The following RELN variants were observed in gnomAD, a reference collection of about 807,000 sequenced individuals.
The protein encoded by RELN is reelin.
Under a neutral mutation model 427.6 loss-of-function variants are expected in RELN, and 108 were observed. That is an observed-to-expected ratio of 0.25 (90% CI 0.22 to 0.30). The LOEUF is 0.30. Among genes scored for constraint, RELN ranks in the 10% least tolerant of loss-of-function variants. The pLI, the probability that RELN is intolerant of heterozygous loss-of-function variation, is 1.00. For missense variants in RELN, 3,715 were observed against 4,302.8 expected, an observed-to-expected ratio of 0.86 and a Z score of 3.82; for synonymous variants, 1,524 against 1,513.4, an observed-to-expected ratio of 1.01 and a Z score of -0.16.
At chr7:103,614,982 T>C (rs1832048400) in intron 20 of RELN, among the ~76,000 whole-genome samples, 1 of 152,180 alleles carries the variant, frequency 6.6e-6, no homozygotes, top group African/African-American at 2.4e-5. Flanking sequence ...ACTGCTCCTC[T>C]TTGCTGCTTG....
chr7:103,868,888 A>G (rs1794262392), intron 2 of RELN, among the ~76,000 whole-genome samples: 1 of 152,000 alleles, frequency 6.6e-6, no homozygotes, highest in Non-Finnish European at 1.5e-5. Flanking sequence ...TTTTATACAT[A>G]TTGTTTGCAG....
chr7:103,920,576 TTTG>T lies in RELN; in HGVS notation c.227-3394_227-3392del, dbSNP rs1179001252. ...GTTGTACCAGTCTTTGGTTTTTTTT[TTTG>T]TTTTTTTTTTTTTTGAGAGAGTCTC... On this transcript the variant is annotated intron_variant, in intron 1 of 64. Transcript: ENST00000428762. Among the ~76,000 whole-genome samples the T allele has an allele frequency of 8.0e-5, 9 of 112,802 alleles. No homozygotes were observed. In the South Asian group the frequency reaches 1.6e-3, roughly 20 times the overall value. 74.0% of individuals were successfully genotyped at this position (112,802 alleles called of 152,430 possible). A position where few individuals can be genotyped will look rare whatever the true frequency, so the allele number is the denominator to read the frequency against.
chr7:103,815,342 T>C (rs910584887), intron 3 of RELN, among the ~76,000 whole-genome samples: 1 of 152,184 alleles, frequency 6.6e-6, no homozygotes, highest in Non-Finnish European at 1.5e-5. Flanking sequence ...ATAAAATAAA[T>C]CTTTGCTCAC....
At chr7:103,747,563 T>C (rs1391997235) in intron 6 of RELN, among the ~76,000 whole-genome samples, 2 of 151,922 alleles carry the variant, frequency 1.3e-5, no homozygotes, top group Non-Finnish European at 2.9e-5. Flanking sequence ...GGTAGTCTGA[T>C]ATCAGGGCCT....
chr7:103,548,053 A>G (rs1830338025), intron 41 of RELN, among the ~76,000 whole-genome samples: 1 of 152,224 alleles, frequency 6.6e-6, no homozygotes, highest in African/African-American at 2.4e-5. Context: ...AGCACACAAC[A>G]TTGCTTTCAT....
At chr7:103,615,689 T>A (rs934625676) in intron 20 of RELN, among the ~76,000 whole-genome samples, 1 of 152,178 alleles carries the variant, frequency 6.6e-6, no homozygotes, top group Non-Finnish European at 1.5e-5. Context: ...GAAACTAGGC[T>A]TTCTGGTTTC....
intron 11 of RELN, among the ~76,000 whole-genome samples, chr7:103,667,929 TA>T (rs997636870): frequency 1.3e-5 from 2 of 152,168 alleles, no homozygotes; most frequent in African/African-American, 4.8e-5. Flanking sequence ...ATATGTGAAT[TA>T]TTTTAAAATA....
chr7:103,860,963 T>C (rs1322545298), intron 2 of RELN, among the ~76,000 whole-genome samples: 1 of 152,048 alleles, frequency 6.6e-6, no homozygotes, highest in African/African-American at 2.4e-5. Flanking sequence ...ATAACAAATA[T>C]AACAAAAATA....
At position 103,633,056 on chromosome 7, in the gene RELN, GACTA is replaced by G. The variant is rs999592718; in HGVS notation, c.2465+2365_2465+2368del. Among the ~76,000 whole-genome samples the G allele has an allele frequency of 7.2e-5, 11 of 152,138 alleles. No homozygotes were observed. In the East Asian group the frequency reaches 1.2e-3, roughly 16 times the overall value. ...ACATTCTAGTCAGTTTGAATTAAAA[GACTA>G]ACTTAGATATATTAAATTTTTATTA... On this transcript the variant is annotated intron_variant, in intron 19 of 64. Transcript: ENST00000428762.
intron 20 of RELN, among the ~76,000 whole-genome samples, chr7:103,613,008 G>A (rs1365106274): frequency 6.6e-6 from 1 of 152,192 alleles, no homozygotes; most frequent in Non-Finnish European, 1.5e-5. Flanking sequence ...TTAAGAGACA[G>A]CAAATGCCAC....
intron 3 of RELN, among the ~76,000 whole-genome samples, chr7:103,827,941 T>C (rs1793182978): frequency 6.6e-6 from 1 of 152,070 alleles, no homozygotes; most frequent in South Asian, 2.1e-4. Flanking sequence ...ATTTTTGCAG[T>C]AAGCTATGTA....
chr7:103,734,327 C>A (rs1048478259), intron 6 of RELN, among the ~76,000 whole-genome samples: 1 of 151,784 alleles, frequency 6.6e-6, no homozygotes, highest in African/African-American at 2.4e-5. Flanking sequence ...TGAATTGCTT[C>A]TCTGCCTAAT....
At chr7:103,699,082 A>G (rs1045106809) in intron 9 of RELN, among the ~76,000 whole-genome samples, 14 of 152,300 alleles carry the variant, frequency 9.2e-5, no homozygotes, top group African/African-American at 3.1e-4. Flanking sequence ...CTTCTGCTAT[A>G]TAATAAAATA....
chr7:103,671,076 G>T (rs1295508526), intron 11 of RELN, among the ~76,000 whole-genome samples: 1 of 152,044 alleles, frequency 6.6e-6, no homozygotes, highest in Non-Finnish European at 1.5e-5. Context: ...TGGATGCTCT[G>T]CTCTTTAATA....
At chr7:103,674,166 A>G (rs1166256181) in intron 11 of RELN, among the ~76,000 whole-genome samples, 1 of 151,320 alleles carries the variant, frequency 6.6e-6, no homozygotes, top group Non-Finnish European at 1.5e-5. Context: ...AGCTCTGCCT[A>G]TACTGATATT....
chr7:103,627,128 C>A (rs1301268541), intron 20 of RELN, among the ~76,000 whole-genome samples: 1 of 151,914 alleles, frequency 6.6e-6, no homozygotes, highest in Non-Finnish European at 1.5e-5. Flanking sequence ...TGAGAAAAAC[C>A]AACAATAATT....
At chr7:103,742,331 A>C (rs562051463) in intron 6 of RELN, among the ~76,000 whole-genome samples, 1 of 152,328 alleles carries the variant, frequency 6.6e-6, no homozygotes, top group South Asian at 2.1e-4. Flanking sequence ...CAGAGCAGAA[A>C]AACCGGAAAC....
At chr7:103,516,832 T>C (rs1829577733) in intron 49 of RELN, among the ~76,000 whole-genome samples, 1 of 152,076 alleles carries the variant, frequency 6.6e-6, no homozygotes, top group African/African-American at 2.4e-5. Context: ...CCTTCCTTTT[T>C]TTTTTCTGTC....
At chr7:103,693,657 G>A (rs1833918571) in intron 10 of RELN, among the ~76,000 whole-genome samples, 1 of 152,006 alleles carries the variant, frequency 6.6e-6, no homozygotes, top group South Asian at 2.1e-4. Context: ...AGGGATTTTG[G>A]CTTGTATCCT....
Sources: gnomAD v4.1 joint callset for allele counts (sites outside exome capture counted in the v4.1 genomes callset) on GRCh38, gnomAD v4.1.1 for gene constraint, MANE v1.5 for transcripts, NCBI Gene and HGNC (gene_info 2026-07-23, HGNC 2026-07-21) for gene names.